Variants in MACROD2 observed in about 807,000 individuals in gnomAD.
MACROD2 encodes mono-ADP ribosylhydrolase 2, also known as ADP-ribose glycohydrolase MACROD2.
MACROD2 carries 36 observed loss-of-function variants against 70.4 expected under a neutral mutation model. The ratio of observed to expected loss-of-function variants is 0.51; its 90% CI spans 0.39 to 0.68. The LOEUF is 0.68. Among genes scored for constraint, MACROD2 ranks in the 30% least tolerant of loss-of-function variants. The probability of loss-of-function intolerance (pLI) is 0.00; values close to 1 mark genes in which losing one functional copy is unlikely to be tolerated. For missense variants in MACROD2, 496 were observed against 538.4 expected, an observed-to-expected ratio of 0.92 and a Z score of 0.78; for synonymous variants, 172 against 178.8, an observed-to-expected ratio of 0.96 and a Z score of 0.30.
At chr20:14,058,113 TCTTGA>T (rs1486340897) in intron 2 of MACROD2, among the ~76,000 whole-genome samples, 8 of 152,154 alleles carry the variant, frequency 5.3e-5, no homozygotes, top group Non-Finnish European at 1.0e-4. Flanking sequence ...GTGTTCCTTT[TCTTGA>T]CTTGGGTGGT....
chr20:15,670,243 GA>G (rs1166348129), intron 8 of MACROD2, among the ~76,000 whole-genome samples: 1 of 152,166 alleles, frequency 6.6e-6, no homozygotes, highest in Non-Finnish European at 1.5e-5. Flanking sequence ...CAGAGTTTTG[GA>G]ATACCTATGA....
intron 3 of MACROD2, among the ~76,000 whole-genome samples, chr20:14,313,655 C>T (rs1341163509): frequency 1.3e-5 from 2 of 152,138 alleles, no homozygotes; most frequent in Non-Finnish European, 2.9e-5. Flanking sequence ...ACGGAATTCT[C>T]ACTCTTAGAC....
At chr20:15,968,988 G>A (rs1371262322) in intron 13 of MACROD2, among the ~76,000 whole-genome samples, 1 of 151,722 alleles carries the variant, frequency 6.6e-6, no homozygotes, top group African/African-American at 2.4e-5. Flanking sequence ...TTACCTTAGG[G>A]CATTTGCTGA....
At chr20:14,399,702 G>A (rs1205018905) in intron 3 of MACROD2, among the ~76,000 whole-genome samples, 1 of 152,084 alleles carries the variant, frequency 6.6e-6, no homozygotes, top group African/African-American at 2.4e-5. Flanking sequence ...TTACATGCAT[G>A]CATATTAGGT....
At chr20:14,098,905 A>G (rs2054264299) in intron 3 of MACROD2, among the ~76,000 whole-genome samples, 1 of 152,236 alleles carries the variant, frequency 6.6e-6, no homozygotes, top group African/African-American at 2.4e-5. Flanking sequence ...GAGCAGTAAT[A>G]GATCCAAACA....
chr20:14,056,163 G>T (rs2053628787), intron 2 of MACROD2, among the ~76,000 whole-genome samples: 2 of 151,890 alleles, frequency 1.3e-5, no homozygotes, highest in South Asian at 4.2e-4. Context: ...TTTTCCTTAA[G>T]AATTGTCTGT....
chr20:15,890,933 C>T (rs6105484), intron 10 of MACROD2, among the ~76,000 whole-genome samples: 6,508 of 152,134 alleles, frequency 0.043, 390 homozygotes, highest in African/African-American at 0.14. Context: ...AAATGAAATT[C>T]TCAAGGCACT....
chr20:14,995,692 C>G (rs1043530371), intron 5 of MACROD2, among the ~76,000 whole-genome samples: 8 of 151,798 alleles, frequency 5.3e-5, no homozygotes. Flanking sequence ...TTAAAAATAC[C>G]AAAATGGTAA....
chr20:14,185,348 C>G (rs1007700868), intron 3 of MACROD2, among the ~76,000 whole-genome samples: 13 of 151,686 alleles, frequency 8.6e-5, no homozygotes, highest in African/African-American at 3.2e-4. Context: ...CTTGGAAGGA[C>G]TATCTACACC....
intron 3 of MACROD2, among the ~76,000 whole-genome samples, chr20:14,488,479 A>G (rs965150491): frequency 1.3e-5 from 2 of 152,132 alleles, no homozygotes; most frequent in Non-Finnish European, 2.9e-5. Context: ...GCTTTAGTTC[A>G]CCCTTTAACA....
intron 8 of MACROD2, among the ~76,000 whole-genome samples, chr20:15,680,651 T>A (rs975014743): frequency 1.3e-5 from 2 of 152,176 alleles, no homozygotes; most frequent in Admixed American, 6.5e-5. Context: ...GCTGCAGGCC[T>A]CCAGTTCCCC....
chr20:14,150,610 A>G (rs951533175), intron 3 of MACROD2, among the ~76,000 whole-genome samples: 2 of 152,190 alleles, frequency 1.3e-5, no homozygotes, highest in African/African-American at 4.8e-5. Flanking sequence ...ATTAGTACAG[A>G]TACAGAATTT....
intron 5 of MACROD2, among the ~76,000 whole-genome samples, chr20:15,159,124 C>T (rs1441778128): frequency 2.6e-5 from 4 of 152,010 alleles, no homozygotes; most frequent in East Asian, 1.9e-4. Flanking sequence ...AATTTTATTA[C>T]GTTTCAAACC....
chr20:14,355,666 A>G (rs1250999332), intron 3 of MACROD2, among the ~76,000 whole-genome samples: 2 of 152,208 alleles, frequency 1.3e-5, no homozygotes, highest in East Asian at 3.8e-4. Context: ...ATTAAGAGCA[A>G]ATTTGAAATG....
At position 15,487,473 on chromosome 20, in the gene MACROD2, G is replaced by A. The variant is rs537689700; in HGVS notation, c.572-12301G>A. On this transcript the variant is annotated intron_variant, in intron 7 of 17. Transcript: ENST00000684519. ...TAATCACAAAATTGTATCCAATTAT[G>A]TATTATTTTTAATCATAATCTTAGT... Among the ~76,000 whole-genome samples the A allele has an allele frequency of 1.7e-4, 26 of 152,278 alleles. No individual in the cohort carries two copies. The East Asian group carries it at 4.2e-3, about 25-fold the overall frequency.
intron 6 of MACROD2, among the ~76,000 whole-genome samples, chr20:15,283,677 CAAACAAACAAA>C (rs1427032926): frequency 6.6e-6 from 1 of 151,534 alleles, no homozygotes; most frequent in Non-Finnish European, 1.5e-5. Context: ...TGTCTCAAAA[CAAACAAACAAA>C]AAACAAACAA....
At position 14,270,866 on chromosome 20, in the gene MACROD2, C is replaced by T. The variant is rs187012947; in HGVS notation, c.271+185138C>T. 5.2e-4 allele frequency among the ~76,000 whole-genome samples: 79 copies of T among 152,298 alleles called. No individual in the cohort carries two copies. The East Asian group carries it at 8.5e-3, about 16-fold the overall frequency. The stretch of plus-strand genomic sequence containing the variant: ...CACACACCTGGCTCAGAGGGTCCTA[C>T]GCCCACAGAATCTCACTGATTGCTA... On this transcript the variant is annotated intron_variant, in intron 3 of 17. Transcript: ENST00000684519.
intron 4 of MACROD2, among the ~76,000 whole-genome samples, chr20:14,515,098 T>C (rs1383066827): frequency 1.3e-5 from 2 of 152,098 alleles, no homozygotes; most frequent in Non-Finnish European, 2.9e-5. Context: ...AAAAGTATTC[T>C]GGAACTTAAA....
At chr20:15,588,404 C>T (rs993194959) in intron 8 of MACROD2, among the ~76,000 whole-genome samples, 14 of 152,234 alleles carry the variant, frequency 9.2e-5, no homozygotes, top group East Asian at 7.7e-4. Context: ...ATTTTCCTCA[C>T]GGTCTTAGGG....
Sources: allele counts gnomAD v4.1 joint callset (sites outside exome capture counted in the v4.1 genomes callset), GRCh38; gene constraint gnomAD v4.1.1; transcripts MANE v1.5; gene names NCBI Gene and HGNC (gene_info 2026-07-23, HGNC 2026-07-21).